ANKRD29: variants seen among roughly 807,000 people sequenced by gnomAD.
The protein encoded by ANKRD29 is ankyrin repeat domain-containing protein 29.
Under a neutral mutation model 38.0 loss-of-function variants are expected in ANKRD29, and 32 were observed. The ratio of observed to expected loss-of-function variants is 0.84; its 90% CI spans 0.64 to 1.13. The LOEUF (loss-of-function observed/expected upper bound fraction) is 1.13, where lower values mean the gene tolerates loss of function less well. Ranked by LOEUF, ANKRD29 falls within the 50% of genes most tolerant of loss-of-function variation. The pLI, the probability that ANKRD29 is intolerant of heterozygous loss-of-function variation, is 0.00. For missense variants in ANKRD29, 357 were observed against 377.9 expected, an observed-to-expected ratio of 0.94 and a Z score of 0.46; for synonymous variants, 135 against 152.4, an observed-to-expected ratio of 0.89 and a Z score of 0.84.
At chr18:23,662,641 C>T (rs1299582513) in intron 1 of ANKRD29, 69 bp downstream of exon 1, 2 of 650,042 alleles carry the variant, frequency 3.1e-6, no homozygotes, top group Non-Finnish European at 4.8e-6. Flanking sequence ...CATCCCACCC[C>T]ACCCGACCCC....
At chr18:23,641,573 G>C (rs1053776724) in intron 3 of ANKRD29, among the ~76,000 whole-genome samples, 1 of 152,228 alleles carries the variant, frequency 6.6e-6, no homozygotes, top group African/African-American at 2.4e-5. Flanking sequence ...GGAGGCTGAG[G>C]GGCTGAGGGC....
At chr18:23,610,413 G>A (rs1051547911) in intron 9 of ANKRD29, among the ~76,000 whole-genome samples, 1 of 152,232 alleles carries the variant, frequency 6.6e-6, no homozygotes, top group African/African-American at 2.4e-5. Context: ...GGGAGGTGGA[G>A]GTTGCAGTGA....
intron 5 of ANKRD29, among the ~76,000 whole-genome samples, chr18:23,630,892 G>C: frequency 6.7e-6 from 1 of 148,290 alleles, no homozygotes; most frequent in East Asian, 2.0e-4. Flanking sequence ...ACTTGAGCCT[G>C]GGAAGTTGAG....
At chr18:23,624,282 T>A (rs1003970192) in intron 6 of ANKRD29, among the ~76,000 whole-genome samples, 2 of 151,136 alleles carry the variant, frequency 1.3e-5, no homozygotes, top group African/African-American at 4.8e-5. Context: ...GCCTGGCCAA[T>A]ATGGCAAAAC....
chr18:23,599,143 T>C lies in ANKRD29; in HGVS notation c.*2083A>G, dbSNP rs533193391. On this transcript the variant is annotated 3_prime_UTR_variant, in exon 10 of 10. Transcript: ENST00000592179. ...GCAAACTAAAATGCAATTTTGAAAA[T>C]AACACACCTTTCCGTACAGTCTTTG... The C allele has an allele frequency of 7.9e-5, 12 of 152,322 alleles. No homozygotes were observed. The East Asian group carries it at 2.3e-3, about 29-fold the overall frequency. 9.4% of individuals were successfully genotyped at this position (152,322 alleles called of 1,614,324 possible).
At chr18:23,648,010 AG>A (rs1311337541) in intron 2 of ANKRD29, 1 of 152,688 alleles carries the variant, frequency 6.5e-6, no homozygotes, top group Non-Finnish European at 1.5e-5. Flanking sequence ...TGAGGCCTGA[AG>A]GTGCCAGGGG....
intron 5 of ANKRD29, 32 bp downstream of exon 5, chr18:23,634,019 A>C: frequency 6.2e-7 from 1 of 1,604,262 alleles, no homozygotes; most frequent in Non-Finnish European, 8.5e-7. Flanking sequence ...TGTGATGAGA[A>C]ATGTCCTAAT....
chr18:23,642,360 C>CG, intron 3 of ANKRD29, among the ~76,000 whole-genome samples: 1 of 152,226 alleles, frequency 6.6e-6, no homozygotes, highest in East Asian at 1.9e-4. Context: ...TCCCAGGCAC[C>CG]ACTACATTCC....
At chr18:23,617,571 C>A (rs140592750) in intron 8 of ANKRD29, among the ~76,000 whole-genome samples, 161 bp downstream of exon 8, 8 of 152,144 alleles carry the variant, frequency 5.3e-5, no homozygotes, top group Middle Eastern at 3.4e-3. Flanking sequence ...CCACTTCTAC[C>A]AGAGCCCCTG....
intron 4 of ANKRD29, among the ~76,000 whole-genome samples, chr18:23,635,838 A>G (rs1054661595): frequency 1.3e-5 from 2 of 152,028 alleles, no homozygotes; most frequent in Non-Finnish European, 2.9e-5. Flanking sequence ...GTAACATCCT[A>G]TGGGGCTGCG....
At chr18:23,635,472 T>C (rs566849256) in intron 4 of ANKRD29, among the ~76,000 whole-genome samples, 1 of 152,294 alleles carries the variant, frequency 6.6e-6, no homozygotes, top group Non-Finnish European at 1.5e-5. Context: ...AAATCCTTAA[T>C]TGTTTTCCTC....
chr18:23,661,776 G>A (rs1476743436), intron 1 of ANKRD29, among the ~76,000 whole-genome samples: 2 of 152,066 alleles, frequency 1.3e-5, no homozygotes, highest in Non-Finnish European at 2.9e-5. Context: ...CTATGCACTG[G>A]TCCAGTACCA....
chr18:23,649,125 C>T lies in ANKRD29; in HGVS notation c.90G>A (p.Leu30=). The T allele has an allele frequency of 3.1e-6, 5 of 1,614,216 alleles. No homozygotes were observed. Among genetic ancestry groups the T allele is most frequent in the Non-Finnish European group, 4.2e-6 (5 of 1,180,014 alleles). The change falls in exon 2 of 10, where the codon CTG becomes CTA. Residue 30 remains leucine (L), a synonymous_variant. Transcript: ENST00000592179. ...CGTCCACCCGGCCGCTGTTCAACAG[C>T]AGCTTCAGCAGCGCCAGGTTTCCTC... ...ARRGNLALLK[L]LLNSGRVDVD...
At chr18:23,647,817 G>A (rs1339185208) in intron 2 of ANKRD29, 1 of 152,342 alleles carries the variant, frequency 6.6e-6, no homozygotes, top group Non-Finnish European at 1.5e-5. Context: ...AAGATGGCCA[G>A]TTCACAGATG....
chr18:23,619,238 C>G (rs539085895), intron 7 of ANKRD29, among the ~76,000 whole-genome samples: 13 of 151,676 alleles, frequency 8.6e-5, no homozygotes, highest in South Asian at 2.1e-4. Context: ...CCCAGGACAG[C>G]CGGGAGGCCC....
intron 9 of ANKRD29, among the ~76,000 whole-genome samples, chr18:23,603,106 C>T (rs1161403327): frequency 6.6e-6 from 1 of 152,182 alleles, no homozygotes; most frequent in Non-Finnish European, 1.5e-5. Context: ...TTTTGGATTG[C>T]TGTGGATATT....
chr18:23,650,642 C>T (rs2060199066), intron 1 of ANKRD29, among the ~76,000 whole-genome samples: 1 of 152,152 alleles, frequency 6.6e-6, no homozygotes, highest in Admixed American at 6.6e-5. Flanking sequence ...CTCACCCCAG[C>T]CCTGCACAAG....
At chr18:23,613,389 C>A (rs1257777414) in intron 8 of ANKRD29, among the ~76,000 whole-genome samples, 1 of 151,756 alleles carries the variant, frequency 6.6e-6, no homozygotes, top group Admixed American at 6.6e-5. Context: ...CTGGGCTGGT[C>A]GCCAACTCCT....
intron 9 of ANKRD29, among the ~76,000 whole-genome samples, chr18:23,607,889 C>T (rs2059592832): frequency 6.6e-6 from 1 of 152,190 alleles, no homozygotes; most frequent in Non-Finnish European, 1.5e-5. Flanking sequence ...CCCCTGCACC[C>T]AGGGGTATGG....
Sources: allele counts gnomAD v4.1 joint callset (sites outside exome capture counted in the v4.1 genomes callset), GRCh38; gene constraint gnomAD v4.1.1; transcripts MANE v1.5; gene names NCBI Gene and HGNC (gene_info 2026-07-23, HGNC 2026-07-21).